ASCC1: variants seen among roughly 807,000 people sequenced by gnomAD.
ASCC1 encodes ASC-1 complex subunit P50.
ASCC1 carries 35 observed loss-of-function variants against 46.6 expected under a neutral mutation model. That is an observed-to-expected ratio of 0.75 (90% CI 0.57 to 0.99). The LOEUF (loss-of-function observed/expected upper bound fraction) is 0.99, where lower values mean the gene tolerates loss of function less well. Among genes scored for constraint, ASCC1 ranks in the 50% least tolerant of loss-of-function variants. The pLI is 0.00. For synonymous variants in ASCC1, 143 were observed against 146.6 expected (o/e 0.98, Z 0.18); for missense variants, 376 against 428.7 (o/e 0.88, Z 1.09).
intron 8 of ASCC1, among the ~76,000 whole-genome samples, chr10:72,132,537 G>A (rs980853725): frequency 8.5e-5 from 13 of 152,062 alleles, no homozygotes; most frequent in African/African-American, 2.2e-4. Context: ...ATGGGGGACC[G>A]TCCCATGCAT....
Position 72,131,439 on chromosome 10 carries a change from TACACAC to T in ASCC1, c.871+1612_871+1617del, listed in dbSNP as rs71927487. ...CCATTTCAAAAAAATAAAATAAAAA[TACACAC>T]ACACACACACACACACACACACACA... On this transcript the variant is annotated intron_variant, in intron 8 of 9. Coordinates refer to ENST00000672957, the MANE Select transcript of ASCC1 (RefSeq NM_001198800.3). Among the ~76,000 whole-genome samples, 1,184 of 139,394 alleles carry T rather than the reference TACACAC, an allele frequency of 8.5e-3. 22 individuals are homozygous for T. The highest frequency in any genetic ancestry group is 0.027 in the African/African-American group (985 of 36,308). The allele number at this position is 139,394 out of a possible 152,430, so 91.4% of individuals were successfully genotyped here.
chr10:72,191,161 G>A lies in ASCC1; in HGVS notation c.489+5650C>T, dbSNP rs1429318252. Among the ~76,000 whole-genome samples, 6 of 147,886 alleles carry A rather than the reference G, an allele frequency of 4.1e-5. No individual in the cohort carries two copies. In the East Asian group the frequency reaches 6.2e-4, roughly 15 times the overall value. On this transcript the variant is annotated intron_variant, in intron 5 of 9. Transcript: ENST00000672957. ...CTACCTCCGCCTCCCAGGTTCAAGC[G>A]ATTCTCCTGCCTCAGCCTCCCGAGT...
At chr10:72,211,040 T>C (rs922169741) in intron 2 of ASCC1, among the ~76,000 whole-genome samples, 1 of 152,218 alleles carries the variant, frequency 6.6e-6, no homozygotes, top group Non-Finnish European at 1.5e-5. Context: ...ACATAATGAC[T>C]ATTTTAAATC....
At chr10:72,179,866 T>C (rs1394360404) in intron 5 of ASCC1, among the ~76,000 whole-genome samples, 2 of 152,120 alleles carry the variant, frequency 1.3e-5, no homozygotes, top group African/African-American at 4.8e-5. Context: ...AAAAAATGCA[T>C]GAACAGCAGC....
chr10:72,171,294 G>C (rs549303320), intron 5 of ASCC1, among the ~76,000 whole-genome samples: 1 of 152,274 alleles, frequency 6.6e-6, no homozygotes, highest in African/African-American at 2.4e-5. Context: ...TCCTTGCGGA[G>C]GCTCCAGGGC....
intron 7 of ASCC1, among the ~76,000 whole-genome samples, chr10:72,135,529 G>GA (rs1846082616): frequency 6.6e-6 from 1 of 152,232 alleles, no homozygotes; most frequent in Non-Finnish European, 1.5e-5. Context: ...TGTCTGCAGT[G>GA]AAACTAGGAA....
Position 72,203,418 on chromosome 10 carries a change from G to A in ASCC1, c.310+9C>T. 1 of 1,596,258 alleles carries A rather than the reference G, an allele frequency of 6.3e-7. No individual in the cohort carries two copies. Among genetic ancestry groups the A allele is most frequent in the Non-Finnish European group, 8.6e-7 (1 of 1,163,970 alleles). Reference sequence around the variant, plus strand: ...ACTTCAAATGTAACTTATATCTACTGAGTCTCACCAATTTCCCCGTCTTGT... The same window carrying A: ...ACTTCAAATGTAACTTATATCTACTAAGTCTCACCAATTTCCCCGTCTTGT... On this transcript the variant is annotated intron_variant, in intron 4 of 9. Transcript: ENST00000672957.
intron 5 of ASCC1, among the ~76,000 whole-genome samples, chr10:72,171,669 G>A (rs758896493): frequency 3.5e-4 from 54 of 152,124 alleles, no homozygotes; most frequent in East Asian, 3.1e-3. Flanking sequence ...TGCCCACCTC[G>A]GCCTCCCAAA....
chr10:72,110,580 AGTTCGAGACCAGC>A (rs1375498915), intron 9 of ASCC1, among the ~76,000 whole-genome samples: 2 of 151,978 alleles, frequency 1.3e-5, no homozygotes, highest in Non-Finnish European at 2.9e-5. Flanking sequence ...TGAGGTCAGG[AGTTCGAGACCAGC>A]CTAACCAACA....
At chr10:72,172,755 T>A (rs1199353223) in intron 5 of ASCC1, among the ~76,000 whole-genome samples, 1 of 116,378 alleles carries the variant, frequency 8.6e-6, no homozygotes, top group East Asian at 2.1e-4. Context: ...TATTATATAT[T>A]TTTATATTAT....
intron 7 of ASCC1, among the ~76,000 whole-genome samples, chr10:72,151,208 A>G (rs559493995): frequency 1.2e-4 from 19 of 152,362 alleles, no homozygotes; most frequent in African/African-American, 4.6e-4. Context: ...AATGTCCATC[A>G]ATGATAGACT....
rs533479610 is a variant in ASCC1 at position 72,214,920 on chromosome 10, G to A, written c.-34+1287C>T. Among the ~76,000 whole-genome samples, 9 of 152,238 alleles carry A rather than the reference G, an allele frequency of 5.9e-5. No homozygotes were observed. In the South Asian group the frequency reaches 6.2e-4, roughly 11 times the overall value. The stretch of plus-strand genomic sequence containing the variant: ...GCCACTGCCCAACAAAATGCACATC[G>A]CTCACTGCGAAGCCAAGCTTCTGGT... On this transcript the variant is annotated intron_variant, in intron 1 of 9. Coordinates refer to ENST00000672957, the MANE Select transcript of ASCC1 (RefSeq NM_001198800.3).
At chr10:72,189,855 A>T (rs999678818) in intron 5 of ASCC1, 1 of 504,348 alleles carries the variant, frequency 2.0e-6, no homozygotes, top group Non-Finnish European at 3.5e-6. Flanking sequence ...GTTCTATTTT[A>T]TTCCAAATGC....
chr10:72,182,457 T>C (rs1334551696), intron 5 of ASCC1, among the ~76,000 whole-genome samples: 3 of 152,014 alleles, frequency 2.0e-5, no homozygotes, highest in Non-Finnish European at 2.9e-5. Context: ...GGAGGGCTAA[T>C]GGGAATGGTG....
At chr10:72,115,754 T>C (rs1280289732) in intron 9 of ASCC1, among the ~76,000 whole-genome samples, 1 of 152,142 alleles carries the variant, frequency 6.6e-6, no homozygotes, top group Non-Finnish European at 1.5e-5. Flanking sequence ...AGAGAATAAA[T>C]AGGGACTAGT....
chr10:72,179,578 A>G (rs976883441), intron 5 of ASCC1, among the ~76,000 whole-genome samples: 3 of 152,210 alleles, frequency 2.0e-5, no homozygotes, highest in Admixed American at 6.5e-5. Flanking sequence ...TCACTGCTCT[A>G]CTTAACACTG....
At chr10:72,156,374 C>A (rs934194911) in intron 6 of ASCC1, among the ~76,000 whole-genome samples, 1 of 152,180 alleles carries the variant, frequency 6.6e-6, no homozygotes. Flanking sequence ...TTATAAGTTA[C>A]CCAGTCTCTG....
intron 9 of ASCC1, among the ~76,000 whole-genome samples, chr10:72,111,908 C>G (rs548643904): frequency 2.6e-5 from 4 of 152,310 alleles, no homozygotes; most frequent in African/African-American, 9.6e-5. Context: ...TCCCAAAGTG[C>G]TGGGATTACA....
chr10:72,182,567 A>G (rs1852779862), intron 5 of ASCC1, among the ~76,000 whole-genome samples: 1 of 152,182 alleles, frequency 6.6e-6, no homozygotes, highest in Admixed American at 6.6e-5. Flanking sequence ...ACTATATGGG[A>G]TAAATATATA....
Sources: allele counts gnomAD v4.1 joint callset (sites outside exome capture counted in the v4.1 genomes callset), GRCh38; gene constraint gnomAD v4.1.1; transcripts MANE v1.5; gene names NCBI Gene and HGNC (gene_info 2026-07-23, HGNC 2026-07-21).